The following FNDC3B variants were observed in gnomAD, a reference collection of about 807,000 sequenced individuals.
FNDC3B encodes the protein fibronectin type III domain containing 3B, also known as fibronectin type III domain-containing protein 3B.
Under a neutral mutation model 151.5 loss-of-function variants are expected in FNDC3B, and 12 were observed. The observed-to-expected ratio is 0.08, with a 90% CI of 0.05 to 0.13. The LOEUF (loss-of-function observed/expected upper bound fraction) is 0.13, where lower values mean the gene tolerates loss of function less well. FNDC3B is among the 10% of genes least tolerant of loss of function. The pLI is 1.00. For synonymous variants in FNDC3B, 528 were observed against 549.0 expected (o/e 0.96, Z 0.54); for missense variants, 1,214 against 1,505.3 (o/e 0.81, Z 3.20).
chr3:172,306,739 G>A (rs774432306), intron 9 of FNDC3B, among the ~76,000 whole-genome samples: 12 of 152,156 alleles, frequency 7.9e-5, no homozygotes, highest in Non-Finnish European at 1.0e-4. Flanking sequence ...TGTACAGACC[G>A]AACATCTTTA....
intron 1 of FNDC3B, among the ~76,000 whole-genome samples, chr3:172,074,512 T>C (rs987001319): frequency 6.6e-6 from 1 of 152,234 alleles, no homozygotes; most frequent in African/African-American, 2.4e-5. Flanking sequence ...TGCTTTTGCA[T>C]GTCAGCAGCT....
chr3:172,041,620 CT>C (rs11386443), intron 1 of FNDC3B, among the ~76,000 whole-genome samples: 1 of 150,808 alleles, frequency 6.6e-6, no homozygotes, highest in Non-Finnish European at 1.5e-5. Flanking sequence ...TGGAATAACA[CT>C]TTTTTTTTGA....
chr3:172,188,050 C>T (rs916928754), intron 3 of FNDC3B, among the ~76,000 whole-genome samples: 16 of 143,582 alleles, frequency 1.1e-4, no homozygotes, highest in Non-Finnish European at 2.4e-4. Flanking sequence ...GGCTGGAGTG[C>T]AATGGCGCGA....
intron 4 of FNDC3B, among the ~76,000 whole-genome samples, chr3:172,243,478 A>C (rs1727604322): frequency 6.8e-6 from 1 of 147,298 alleles, no homozygotes; most frequent in South Asian, 2.2e-4. Flanking sequence ...GGATGGCAGC[A>C]GGCAAAAAAA....
At chr3:172,196,277 T>G (rs921747550) in intron 3 of FNDC3B, among the ~76,000 whole-genome samples, 9 of 152,118 alleles carry the variant, frequency 5.9e-5, no homozygotes, top group African/African-American at 2.2e-4. Context: ...AGCCTCGAAC[T>G]TCCAGGTTCA....
chr3:172,044,236 A>G (rs1194640347), intron 1 of FNDC3B, among the ~76,000 whole-genome samples: 2 of 149,528 alleles, frequency 1.3e-5, no homozygotes, highest in Non-Finnish European at 3.0e-5. Flanking sequence ...GCTAAAAGGA[A>G]TTTCAACAAC....
In FNDC3B at chr3:172,335,093, C is replaced by T; in HGVS notation, c.1780+11C>T. ...TTAGTGTCAAATGGGGTATGTTTTG[C>T]TGCTGCTGCTACTGTTTTTTTTTTT... On this transcript the variant is annotated intron_variant, in intron 15 of 25. Coordinates refer to ENST00000415807, the MANE Select transcript of FNDC3B (RefSeq NM_022763.4). 1.3e-6 allele frequency: 2 copies of T among 1,529,810 alleles called. No homozygotes were observed. Among genetic ancestry groups the T allele is most frequent in the Non-Finnish European group, 1.8e-6 (2 of 1,142,842 alleles). 94.8% of individuals were successfully genotyped at this position (1,529,810 alleles called of 1,614,324 possible).
At chr3:172,078,849 T>C (rs1718147098) in intron 1 of FNDC3B, among the ~76,000 whole-genome samples, 1 of 152,220 alleles carries the variant, frequency 6.6e-6, no homozygotes, top group Non-Finnish European at 1.5e-5. Flanking sequence ...TCAATGTTCC[T>C]GCCCAAGGCA....
intron 22 of FNDC3B, among the ~76,000 whole-genome samples, chr3:172,357,568 T>A (rs1011569364): frequency 2.6e-5 from 4 of 152,220 alleles, no homozygotes; most frequent in Non-Finnish European, 5.9e-5. Context: ...CACCTTTCAC[T>A]GGAATTAGGA....
rs1732502749 is a variant in FNDC3B at position 172,329,082 on chromosome 3, A to G, written c.1379+6A>G. On this transcript the variant is annotated splice_donor_region_variant and intron_variant, in intron 12 of 25. Transcript: ENST00000415807. ...CGAAACGACATTGGTACCAGGTATG[A>G]CGTTTCCTTGTCCTCTTGCCCTTCA... 1 of 1,607,978 alleles carries G rather than the reference A, an allele frequency of 6.2e-7. No homozygotes were observed. Among genetic ancestry groups the G allele is most frequent in the African/African-American group, 1.3e-5 (1 of 74,684 alleles).
chr3:172,062,010 T>C (rs1039730253), intron 1 of FNDC3B, among the ~76,000 whole-genome samples: 1 of 152,190 alleles, frequency 6.6e-6, no homozygotes, highest in Non-Finnish European at 1.5e-5. Flanking sequence ...TGTTTAGGGA[T>C]ACTAAGAAAA....
chr3:172,270,352 C>G (rs899518158), intron 6 of FNDC3B, among the ~76,000 whole-genome samples: 18 of 152,344 alleles, frequency 1.2e-4, no homozygotes, highest in Middle Eastern at 6.8e-3. Context: ...GCATACAGTG[C>G]AAACTCTACT....
At chr3:172,370,123 G>C (rs974539838) in intron 23 of FNDC3B, among the ~76,000 whole-genome samples, 3 of 152,124 alleles carry the variant, frequency 2.0e-5, no homozygotes, top group Non-Finnish European at 4.4e-5. Flanking sequence ...TTAATGTGTT[G>C]CTGTGAGCCT....
chr3:172,127,096 A>G (rs1720843511), intron 2 of FNDC3B: 1 of 456,040 alleles, frequency 2.2e-6, no homozygotes, highest in African/African-American at 2.0e-5. Context: ...CGAGAGCATG[A>G]AACATGGCAG....
At chr3:172,324,312 G>C (rs932513280) in intron 11 of FNDC3B, among the ~76,000 whole-genome samples, 2 of 152,142 alleles carry the variant, frequency 1.3e-5, no homozygotes, top group Non-Finnish European at 2.9e-5. Context: ...AGAAGTGGTA[G>C]ACAAAACACC....
At chr3:172,057,294 A>G (rs1027209627) in intron 1 of FNDC3B, among the ~76,000 whole-genome samples, 16 of 152,160 alleles carry the variant, frequency 1.1e-4, no homozygotes, top group African/African-American at 3.6e-4. Flanking sequence ...CATCTCTGTC[A>G]TGGTGTAAAG....
chr3:172,133,878 T>A (rs1243816630), intron 3 of FNDC3B, among the ~76,000 whole-genome samples: 1 of 152,116 alleles, frequency 6.6e-6, no homozygotes, highest in Non-Finnish European at 1.5e-5. Flanking sequence ...TAAGTGGGCC[T>A]CTCCATGGAG....
At chr3:172,133,912 G>A (rs1420190476) in intron 3 of FNDC3B, among the ~76,000 whole-genome samples, 3 of 152,232 alleles carry the variant, frequency 2.0e-5, no homozygotes, top group East Asian at 1.9e-4. Flanking sequence ...TTATGTTACC[G>A]CAGCTGGCTT....
intron 1 of FNDC3B, among the ~76,000 whole-genome samples, chr3:172,106,158 GT>G (rs1719633510): frequency 6.6e-6 from 1 of 152,138 alleles, no homozygotes; most frequent in Non-Finnish European, 1.5e-5. Context: ...TACTTGTTAT[GT>G]TACTCCATCA....
Sources: allele counts gnomAD v4.1 joint callset (sites outside exome capture counted in the v4.1 genomes callset), GRCh38; gene constraint gnomAD v4.1.1; transcripts MANE v1.5; gene names NCBI Gene and HGNC (gene_info 2026-07-23, HGNC 2026-07-21).